The following FAF1 variants were observed in gnomAD, a reference collection of about 807,000 sequenced individuals.
FAF1 encodes Fas associated factor 1.
Under a neutral mutation model 92.5 loss-of-function variants are expected in FAF1, and 25 were observed. The observed-to-expected ratio is 0.27, with a 90% CI of 0.20 to 0.38. FAF1 has a LOEUF of 0.38. FAF1 is among the 10% of genes least tolerant of loss of function. The probability of loss-of-function intolerance (pLI) is 1.00; values close to 1 mark genes in which losing one functional copy is unlikely to be tolerated. For missense variants in FAF1, 636 were observed against 793.3 expected (o/e 0.80, Z 2.38); for synonymous variants, 234 against 273.2 (o/e 0.86, Z 1.42).
At chr1:50,662,041 T>C (rs1024413961) in intron 7 of FAF1, among the ~76,000 whole-genome samples, 1 of 152,204 alleles carries the variant, frequency 6.6e-6, no homozygotes, top group Non-Finnish European at 1.5e-5. Flanking sequence ...GCTTTTTTTT[T>C]CTTCCCCCTT....
chr1:50,779,799 A>G (rs1661096361), intron 4 of FAF1, among the ~76,000 whole-genome samples: 1 of 151,928 alleles, frequency 6.6e-6, no homozygotes, highest in Non-Finnish European at 1.5e-5. Context: ...AAATTAGAAA[A>G]GAGCTGGGTG....
At chr1:50,470,662 T>C (rs141328556) in intron 18 of FAF1, 1 of 152,364 alleles carries the variant, frequency 6.6e-6, no homozygotes, top group Non-Finnish European at 1.5e-5. Flanking sequence ...GTGCTATGAA[T>C]ATAGTAATTT....
rs1646367142 is a variant in FAF1, at chr1:50,457,479, A to C, written c.1870-15956T>G. 2.0e-5 allele frequency among the ~76,000 whole-genome samples: 3 copies of C among 152,200 alleles called. No individual in the cohort carries two copies. The South Asian group carries it at 6.2e-4, about 31-fold the overall frequency. On this transcript the variant is annotated intron_variant, in intron 18 of 18. Coordinates refer to ENST00000396153, the MANE Select transcript of FAF1 (RefSeq NM_007051.3). ...ACAATGGGGTTATTATACAGACTTT[A>C]AGTGAGCAAAGCGTGTCTGCGAAAG...
chr1:50,878,549 T>C (rs1644588090), intron 1 of FAF1, among the ~76,000 whole-genome samples: 1 of 152,148 alleles, frequency 6.6e-6, no homozygotes, highest in Admixed American at 6.5e-5. Flanking sequence ...AATTAAGGAA[T>C]TGAGGCCACA....
chr1:50,438,938 A>G lies in FAF1; in HGVS notation c.*2502T>C, dbSNP rs1434738315. 6.6e-6 allele frequency: 1 copy of G among 152,194 alleles called. No homozygotes were observed. Among genetic ancestry groups the G allele is most frequent in the Non-Finnish European group, 1.5e-5 (1 of 68,054 alleles). 9.4% of individuals were successfully genotyped at this position (152,194 alleles called of 1,614,324 possible). On this transcript the variant is annotated 3_prime_UTR_variant, in exon 19 of 19. Transcript: ENST00000396153. ...CAACATCCGAAATCAGAAACCTCCA[A>G]AAAAATCCCTGCACCTTCTTAAAGG...
intron 1 of FAF1, among the ~76,000 whole-genome samples, chr1:50,955,424 A>G (rs554817853): frequency 6.6e-6 from 1 of 152,340 alleles, no homozygotes; most frequent in Admixed American, 6.5e-5. Flanking sequence ...TCAGTAACAT[A>G]CTATGTACGT....
At chr1:50,576,332 A>G (rs1650732015) in intron 12 of FAF1, among the ~76,000 whole-genome samples, 1 of 152,176 alleles carries the variant, frequency 6.6e-6, no homozygotes, top group South Asian at 2.1e-4. Context: ...TTGAGTACTG[A>G]GTCCCTTAAT....
At chr1:50,554,172 A>T (rs570985433) in intron 13 of FAF1, among the ~76,000 whole-genome samples, 1 of 150,816 alleles carries the variant, frequency 6.6e-6, no homozygotes, top group African/African-American at 2.4e-5. Flanking sequence ...TTGCTGAATC[A>T]TTCAGCATGG....
At chr1:50,540,519 T>C (rs1273013522) in intron 13 of FAF1, among the ~76,000 whole-genome samples, 1 of 152,132 alleles carries the variant, frequency 6.6e-6, no homozygotes, top group African/African-American at 2.4e-5. Flanking sequence ...TAGCATGAGA[T>C]AAAAATAATA....
intron 7 of FAF1, among the ~76,000 whole-genome samples, chr1:50,658,195 C>T (rs555613810): frequency 5.3e-5 from 8 of 151,844 alleles, no homozygotes; most frequent in South Asian, 2.1e-4. Context: ...TTTCTTAAAA[C>T]TATTTCTTAA....
intron 3 of FAF1, among the ~76,000 whole-genome samples, chr1:50,792,659 A>G (rs1178573889): frequency 6.6e-6 from 1 of 152,250 alleles, no homozygotes; most frequent in African/African-American, 2.4e-5. Flanking sequence ...ATACCATCCT[A>G]TACATCATCC....
rs2124414927 is a variant in FAF1 at position 50,700,849 on chromosome 1, G to T, written c.657+4937C>A. ...ATCCAATCCAGATTATTCTAAAATA[G>T]TTCCAGAGAGGGGAAAAGACTTGTC... On this transcript the variant is annotated intron_variant, in intron 7 of 18. Coordinates refer to ENST00000396153, the MANE Select transcript of FAF1 (RefSeq NM_007051.3). Among the ~76,000 whole-genome samples the T allele has an allele frequency of 1.3e-5, 2 of 152,158 alleles. 1 individual carries two copies. The highest frequency in any genetic ancestry group is 6.8e-3 in the Middle Eastern group (2 of 292).
chr1:50,751,761 C>T (rs1262764628), intron 4 of FAF1, among the ~76,000 whole-genome samples: 1 of 152,184 alleles, frequency 6.6e-6, no homozygotes, highest in African/African-American at 2.4e-5. Flanking sequence ...TAAAGGATTT[C>T]TCCCTCCATA....
chr1:50,911,597 T>A (rs1044462896), intron 1 of FAF1, among the ~76,000 whole-genome samples: 1 of 151,894 alleles, frequency 6.6e-6, no homozygotes, highest in Non-Finnish European at 1.5e-5. Flanking sequence ...CTCGGGAGGC[T>A]GAGTCATGAG....
At position 50,438,172 on chromosome 1, in the gene FAF1, T is replaced by C. The variant is rs778206199; in HGVS notation, c.*3268A>G. The stretch of plus-strand genomic sequence containing the variant: ...ATCCTCTAAGCCCCTTGTGCAAAAA[T>C]GGAATCATCATCTCTGCCCTGCTTC... On this transcript the variant is annotated 3_prime_UTR_variant, in exon 19 of 19. Coordinates refer to ENST00000396153, the MANE Select transcript of FAF1 (RefSeq NM_007051.3). 1 of 152,104 alleles carries C rather than the reference T, an allele frequency of 6.6e-6. No homozygotes were observed. The allele number at this position is 152,104 out of a possible 1,614,324, so 9.4% of individuals were successfully genotyped here. A position where few individuals can be genotyped will look rare whatever the true frequency, so the allele number is the denominator to read the frequency against.
At chr1:50,477,886 A>C (rs1440833811) in intron 17 of FAF1, among the ~76,000 whole-genome samples, 1 of 152,234 alleles carries the variant, frequency 6.6e-6, no homozygotes, top group Non-Finnish European at 1.5e-5. Flanking sequence ...AATATATGTA[A>C]AAGTGCTTAG....
chr1:50,640,829 A>ATT (rs71059592), intron 8 of FAF1, among the ~76,000 whole-genome samples: 27,402 of 88,160 alleles, frequency 0.31, 6,543 homozygotes, highest in East Asian at 0.67. Flanking sequence ...TTATCAGCTG[A>ATT]TTTTTTTTTT....
Position 50,619,899 on chromosome 1 carries a change from C to T in FAF1, c.745-23683G>A, listed in dbSNP as rs544346591. The stretch of plus-strand genomic sequence containing the variant: ...AATGCCAATGAATAGTAGATTTGGT[C>T]TCTCTCTCTCTTTTTTTTTTTTTTT... On this transcript the variant is annotated intron_variant, in intron 8 of 18. Coordinates refer to ENST00000396153, the MANE Select transcript of FAF1 (RefSeq NM_007051.3). Among the ~76,000 whole-genome samples the T allele has an allele frequency of 9.9e-5, 15 of 150,792 alleles. No homozygotes were observed. The South Asian group carries it at 2.9e-3, about 30-fold the overall frequency.
intron 9 of FAF1, among the ~76,000 whole-genome samples, chr1:50,595,686 G>T (rs1467402216): frequency 6.6e-6 from 1 of 151,964 alleles, no homozygotes; most frequent in Non-Finnish European, 1.5e-5. Flanking sequence ...GGGATTATAG[G>T]TGTCTGCCAC....
Sources: gnomAD v4.1 joint callset for allele counts (sites outside exome capture counted in the v4.1 genomes callset) on GRCh38, gnomAD v4.1.1 for gene constraint, MANE v1.5 for transcripts, NCBI Gene and HGNC (gene_info 2026-07-23, HGNC 2026-07-21) for gene names.